Variants in CCSER1 observed in about 807,000 individuals in gnomAD.
CCSER1 encodes the protein serine-rich coiled-coil domain-containing protein 1.
Under a neutral mutation model 82.0 loss-of-function variants are expected in CCSER1, and 41 were observed. That is an observed-to-expected ratio of 0.50 (90% CI 0.39 to 0.65). The LOEUF (loss-of-function observed/expected upper bound fraction) is 0.65, where lower values mean the gene tolerates loss of function less well. Among genes scored for constraint, CCSER1 ranks in the 30% least tolerant of loss-of-function variants. The pLI is 0.00. For synonymous variants in CCSER1, 414 were observed against 383.9 expected, an observed-to-expected ratio of 1.08 and a Z score of -0.92; for missense variants, 1,119 against 1,064.2, an observed-to-expected ratio of 1.05 and a Z score of -0.72.
chr4:90,259,855 G>C (rs1723994203), intron 1 of CCSER1, among the ~76,000 whole-genome samples: 1 of 152,128 alleles, frequency 6.6e-6, no homozygotes, highest in African/African-American at 2.4e-5. Flanking sequence ...CCAGCTGTTG[G>C]ATTTGGTGAG....
chr4:90,584,230 C>T (rs1216586133), intron 5 of CCSER1, among the ~76,000 whole-genome samples: 1 of 152,072 alleles, frequency 6.6e-6, no homozygotes, highest in Non-Finnish European at 1.5e-5. Flanking sequence ...TTGATCTACT[C>T]ATAAAAGCCT....
intron 10 of CCSER1, among the ~76,000 whole-genome samples, chr4:91,185,027 A>G (rs192789280): frequency 2.8e-4 from 43 of 152,332 alleles, no homozygotes; most frequent in Admixed American, 1.2e-3. Flanking sequence ...CAACTATGTT[A>G]AATTGAGCAG....
chr4:90,592,277 G>C (rs994906902), intron 5 of CCSER1, among the ~76,000 whole-genome samples: 1 of 152,112 alleles, frequency 6.6e-6, no homozygotes, highest in African/African-American at 2.4e-5. Flanking sequence ...CCTAATTGCA[G>C]GCATTAGAAT....
intron 5 of CCSER1, among the ~76,000 whole-genome samples, chr4:90,611,146 G>A (rs548574015): frequency 4.2e-4 from 58 of 138,294 alleles, no homozygotes; most frequent in Non-Finnish European, 6.7e-4. Flanking sequence ...TGATCCACTC[G>A]CCTCAGCCTC....
chr4:91,424,157 C>T (rs1296005935), intron 10 of CCSER1, among the ~76,000 whole-genome samples: 9 of 151,212 alleles, frequency 6.0e-5, no homozygotes, highest in African/African-American at 1.7e-4. Context: ...GCTGGGACTA[C>T]AGGCGCCCGC....
intron 10 of CCSER1, among the ~76,000 whole-genome samples, chr4:91,198,389 C>T (rs936808910): frequency 2.0e-5 from 3 of 151,862 alleles, no homozygotes; most frequent in African/African-American, 7.3e-5. Flanking sequence ...AATTTTAGAA[C>T]AAATGAGATT....
chr4:90,331,732 G>A (rs1739317785), intron 3 of CCSER1, among the ~76,000 whole-genome samples: 1 of 152,108 alleles, frequency 6.6e-6, no homozygotes, highest in South Asian at 2.1e-4. Context: ...TTTAAGTAAA[G>A]TGAGTCCAAT....
chr4:90,605,470 C>T (rs368478307), intron 5 of CCSER1, among the ~76,000 whole-genome samples: 2 of 152,108 alleles, frequency 1.3e-5, no homozygotes, highest in Admixed American at 6.5e-5. Context: ...TCAAAATAAA[C>T]TTAGAAAGTT....
At chr4:91,076,300 C>G (rs1480960092) in intron 9 of CCSER1, among the ~76,000 whole-genome samples, 1 of 150,298 alleles carries the variant, frequency 6.7e-6, no homozygotes, top group Non-Finnish European at 1.5e-5. Context: ...CTCTGGCAAG[C>G]TTGCCTTTCA....
chr4:90,531,161 G>GT (rs951964227), intron 5 of CCSER1, among the ~76,000 whole-genome samples: 54 of 144,392 alleles, frequency 3.7e-4, no homozygotes, highest in Non-Finnish European at 4.3e-4. Context: ...TTGGCCTTTT[G>GT]TTTTTTTTTT....
At chr4:90,209,458 TGG>T (rs1739530508) in intron 1 of CCSER1, among the ~76,000 whole-genome samples, 1 of 152,188 alleles carries the variant, frequency 6.6e-6, no homozygotes. Flanking sequence ...GCCAGTGGTG[TGG>T]TCCCAGTCTT....
chr4:91,391,386 T>C (rs540399637), intron 10 of CCSER1, among the ~76,000 whole-genome samples: 1 of 152,296 alleles, frequency 6.6e-6, no homozygotes, highest in East Asian at 1.9e-4. Context: ...GTGCAGCCTC[T>C]ACCTCCTGGG....
intron 4 of CCSER1, among the ~76,000 whole-genome samples, chr4:90,411,325 A>G (rs951431327): frequency 1.3e-5 from 2 of 152,228 alleles, no homozygotes; most frequent in Non-Finnish European, 2.9e-5. Flanking sequence ...CAACAAAAAA[A>G]GAGAATTTGA....
chr4:90,907,454 A>G (rs1255025945), intron 8 of CCSER1, among the ~76,000 whole-genome samples: 1 of 152,020 alleles, frequency 6.6e-6, no homozygotes, highest in Non-Finnish European at 1.5e-5. Flanking sequence ...CATTTTTTGG[A>G]TGATGATTCA....
intron 6 of CCSER1, among the ~76,000 whole-genome samples, chr4:90,663,131 G>C (rs1731123193): frequency 6.6e-6 from 1 of 152,092 alleles, no homozygotes. Flanking sequence ...GCAATATTTT[G>C]ATAGTAAAAT....
chr4:90,600,759 T>C (rs766908907), intron 5 of CCSER1, among the ~76,000 whole-genome samples: 15 of 152,012 alleles, frequency 9.9e-5, no homozygotes, highest in Non-Finnish European at 1.6e-4. Flanking sequence ...TCAAAAATCC[T>C]GCTAGGATTT....
intron 5 of CCSER1, among the ~76,000 whole-genome samples, chr4:90,533,426 T>C (rs573106464): frequency 1.2e-3 from 182 of 152,318 alleles, no homozygotes; most frequent in Non-Finnish European, 1.3e-3. Context: ...TCTCAGATTG[T>C]CTCACTGTGC....
chr4:91,413,383 C>T (rs1429365158), intron 10 of CCSER1, among the ~76,000 whole-genome samples: 1 of 151,868 alleles, frequency 6.6e-6, no homozygotes, highest in Non-Finnish European at 1.5e-5. Context: ...TCACTGGTGC[C>T]CAGAAATTCA....
chr4:90,534,622 A>T (rs1442120842), intron 5 of CCSER1, among the ~76,000 whole-genome samples: 2 of 152,170 alleles, frequency 1.3e-5, no homozygotes, highest in African/African-American at 4.8e-5. Flanking sequence ...AGAGATACAT[A>T]AAAAAATAGG....
Sources: allele counts gnomAD v4.1 joint callset (sites outside exome capture counted in the v4.1 genomes callset), GRCh38; gene constraint gnomAD v4.1.1; transcripts MANE v1.5; gene names NCBI Gene and HGNC (gene_info 2026-07-23, HGNC 2026-07-21).